Variants in MCC observed in about 807,000 individuals in gnomAD.
MCC encodes colorectal mutant cancer protein.
Under a neutral mutation model 116.2 loss-of-function variants are expected in MCC, and 90 were observed. The observed-to-expected ratio is 0.77, with a 90% CI of 0.65 to 0.92. The LOEUF (loss-of-function observed/expected upper bound fraction) is 0.92, where lower values mean the gene tolerates loss of function less well. Ranked by LOEUF, MCC falls within the 40% of genes least tolerant of loss-of-function variation. MCC has a pLI of 0.00. For synonymous variants in MCC, 578 were observed against 510.5 expected (o/e 1.13, Z -1.78); for missense variants, 1,516 against 1,312.2 (o/e 1.16, Z -2.40).
chr5:113,430,587 T>C (rs1770606031), intron 1 of MCC, among the ~76,000 whole-genome samples: 1 of 152,166 alleles, frequency 6.6e-6, no homozygotes, highest in East Asian at 1.9e-4. Context: ...GGACAGTTGC[T>C]CAGGGTGAGG....
Position 113,027,151 on chromosome 5 carries a change from G to A in MCC, c.*151C>T, listed in dbSNP as rs890968937. The A allele has an allele frequency of 8.3e-6, 6 of 719,758 alleles. No homozygotes were observed. In the African/African-American group the frequency reaches 9.0e-5, roughly 11 times the overall value. 44.6% of individuals were successfully genotyped at this position (719,758 alleles called of 1,614,324 possible). On this transcript the variant is annotated 3_prime_UTR_variant, in exon 19 of 19. Coordinates refer to ENST00000408903, the MANE Select transcript of MCC (RefSeq NM_001085377.2). Reference sequence around the variant, plus strand: ...TGTCACCATGGCCAGTCGCCCCAAGGGTTGAGTTGGGGCACTCCATTGTCC... The same window carrying A: ...TGTCACCATGGCCAGTCGCCCCAAGAGTTGAGTTGGGGCACTCCATTGTCC...
intron 1 of MCC, among the ~76,000 whole-genome samples, chr5:113,386,194 C>T (rs1769250647): frequency 1.3e-5 from 2 of 152,134 alleles, no homozygotes. Context: ...GAAATTTGTT[C>T]ATTGTCACAA....
intron 1 of MCC, 27 bp downstream of exon 1, chr5:113,488,218 T>C: frequency 6.3e-7 from 1 of 1,581,196 alleles, no homozygotes; most frequent in Non-Finnish European, 8.6e-7. Context: ...CTCGCTCCTG[T>C]CGGTTTCCTC....
At chr5:113,170,531 G>A (rs1761018368) in intron 3 of MCC, among the ~76,000 whole-genome samples, 1 of 151,946 alleles carries the variant, frequency 6.6e-6, no homozygotes, top group African/African-American at 2.4e-5. Flanking sequence ...CTGCTTGTGG[G>A]AAGCTAATAT....
chr5:113,330,474 T>C (rs1767672518), intron 3 of MCC, among the ~76,000 whole-genome samples: 1 of 152,228 alleles, frequency 6.6e-6, no homozygotes, highest in African/African-American at 2.4e-5. Context: ...ATGTTTCCTA[T>C]CTCTCCTTTG....
At chr5:113,369,094 G>A (rs939110563) in intron 2 of MCC, among the ~76,000 whole-genome samples, 1 of 152,146 alleles carries the variant, frequency 6.6e-6, no homozygotes, top group African/African-American at 2.4e-5. Flanking sequence ...CAGCTATCCA[G>A]AAACTCTCTG....
chr5:113,472,240 G>A (rs1259383130), intron 1 of MCC, among the ~76,000 whole-genome samples: 4 of 152,146 alleles, frequency 2.6e-5, no homozygotes, highest in East Asian at 1.9e-4. Flanking sequence ...GAAATCACCC[G>A]TCTTCTGTGT....
At chr5:113,188,480 T>G (rs1463287734) in intron 3 of MCC, among the ~76,000 whole-genome samples, 1 of 152,220 alleles carries the variant, frequency 6.6e-6, no homozygotes, top group Non-Finnish European at 1.5e-5. Context: ...GTTCATATTA[T>G]TTAATAAGCA....
intron 3 of MCC, among the ~76,000 whole-genome samples, chr5:113,244,767 G>C (rs773730588): frequency 4.6e-5 from 7 of 152,200 alleles, no homozygotes; most frequent in Non-Finnish European, 8.8e-5. Flanking sequence ...CTTCCCTAAA[G>C]TAATTAAGAA....
chr5:113,267,458 C>G (rs1400357336), intron 3 of MCC, among the ~76,000 whole-genome samples: 8 of 152,176 alleles, frequency 5.3e-5, no homozygotes, highest in African/African-American at 1.9e-4. Flanking sequence ...TTCACGGTAA[C>G]TCTGGGAAGT....
rs1765224664 is a variant in MCC, at chr5:113,261,663, T to A, written c.627+78856A>T. ...GATTTACAATTTTTTAAGCATTCAG[T>A]TTAACTGACACAAACAAAAATAAAT... On this transcript the variant is annotated intron_variant, in intron 3 of 18. Transcript: ENST00000408903. 2.6e-5 allele frequency among the ~76,000 whole-genome samples: 4 copies of A among 152,306 alleles called. No homozygotes were observed. The South Asian group carries it at 8.3e-4, about 32-fold the overall frequency.
rs1037150748 is a variant in MCC at position 113,085,106 on chromosome 5, G to C, written c.1545+58C>G. The C allele has an allele frequency of 1.6e-5, 26 of 1,610,872 alleles. No homozygotes were observed. The Admixed American group carries it at 2.8e-4, about 18-fold the overall frequency. ...CCTGTACAGTGGCTAGGATGAGCCT[G>C]GTGCTTCCAGATAACAGGAGGTGTT... is the stretch of plus-strand genomic sequence containing the variant. On this transcript the variant is annotated intron_variant, in intron 9 of 18. Transcript: ENST00000408903.
At chr5:113,154,345 C>G (rs1445891960) in intron 3 of MCC, among the ~76,000 whole-genome samples, 1 of 152,224 alleles carries the variant, frequency 6.6e-6, no homozygotes, top group Non-Finnish European at 1.5e-5. Flanking sequence ...CTGACAATTA[C>G]TCCGCAGAGG....
At chr5:113,237,945 G>C (rs1479423876) in intron 3 of MCC, among the ~76,000 whole-genome samples, 4 of 152,174 alleles carry the variant, frequency 2.6e-5, no homozygotes, top group African/African-American at 9.7e-5. Flanking sequence ...GTATGGTTTG[G>C]GGAGCTGGGG....
intron 8 of MCC, among the ~76,000 whole-genome samples, chr5:113,099,331 T>C (rs1411227223): frequency 1.3e-5 from 2 of 152,220 alleles, no homozygotes; most frequent in East Asian, 1.9e-4. Flanking sequence ...AATGTGTCTA[T>C]GTGTGCAGGC....
intron 1 of MCC, among the ~76,000 whole-genome samples, chr5:113,461,891 C>T (rs1771755199): frequency 6.6e-6 from 1 of 152,010 alleles, no homozygotes; most frequent in African/African-American, 2.4e-5. Context: ...CATCCCATGC[C>T]ATCGAGCACC....
intron 3 of MCC, among the ~76,000 whole-genome samples, chr5:113,273,212 C>G (rs1296421944): frequency 1.3e-5 from 2 of 152,158 alleles, no homozygotes; most frequent in East Asian, 3.8e-4. Flanking sequence ...TCCTCCAAAG[C>G]AGAAAATTCA....
chr5:113,226,466 G>C (rs639680), intron 3 of MCC, among the ~76,000 whole-genome samples: 29,184 of 152,162 alleles, frequency 0.19, 3,347 homozygotes, highest in South Asian at 0.27. Flanking sequence ...AAGTGTTGTG[G>C]CACCCACGCA....
At chr5:113,106,842 T>C (rs951096378) in intron 6 of MCC, among the ~76,000 whole-genome samples, 1 of 152,216 alleles carries the variant, frequency 6.6e-6, no homozygotes, top group Admixed American at 6.5e-5. Flanking sequence ...TGAGCCACCA[T>C]GCCTGGCCAA....
Sources: gnomAD v4.1 joint callset for allele counts (sites outside exome capture counted in the v4.1 genomes callset) on GRCh38, gnomAD v4.1.1 for gene constraint, MANE v1.5 for transcripts, NCBI Gene and HGNC (gene_info 2026-07-23, HGNC 2026-07-21) for gene names.